MYH1: variants seen among roughly 807,000 people sequenced by gnomAD.
The protein encoded by MYH1 is myosin-1.
A neutral mutation model predicts 225.6 loss-of-function variants in MYH1; 214 were observed. That is an observed-to-expected ratio of 0.95 (90% confidence interval 0.85 to 1.06). MYH1 has a LOEUF of 1.06. MYH1 is among the 50% of genes least tolerant of loss of function. The pLI is 0.00. For missense variants in MYH1, 2,098 were observed against 2,344.2 expected (o/e 0.89, Z 2.17); for synonymous variants, 774 against 842.3 (o/e 0.92, Z 1.40).
At chr17:10,509,355 CA>C (rs751838041) in intron 15 of MYH1, 129 bp downstream of exon 15, 2 of 1,449,344 alleles carry the variant, frequency 1.4e-6, no homozygotes, top group Non-Finnish European at 1.9e-6. Context: ...TCAGAGTTGG[CA>C]AAATAAGGAA....
At chr17:10,503,694 G>A (rs1478948504) in intron 22 of MYH1, among the ~76,000 whole-genome samples, 1 of 152,222 alleles carries the variant, frequency 6.6e-6, no homozygotes, top group Admixed American at 6.5e-5. Context: ...TCAAGGTGAT[G>A]CTTAGAGAAG....
Position 10,498,624 on chromosome 17 carries a change from A to C in MYH1, c.4181+2T>G, listed in dbSNP as rs768158882. 1 of 1,613,898 alleles carries C rather than the reference A, an allele frequency of 6.2e-7. No individual in the cohort carries two copies. The highest frequency in any genetic ancestry group is 8.5e-7 in the Non-Finnish European group (1 of 1,179,884). On this transcript the variant is annotated splice_donor_variant, in intron 30 of 39. Coordinates refer to ENST00000226207, the MANE Select transcript of MYH1 (RefSeq NM_005963.4). LOFTEE classifies it high-confidence loss of function. ...TCCATTTTAACTAAGTCTGGAACATACTTGGCCTCCTCCAGCTCCTCTGTG... is the reference window on the plus strand; with the variant it reads ...TCCATTTTAACTAAGTCTGGAACATCCTTGGCCTCCTCCAGCTCCTCTGTG...
At chr17:10,515,037 C>G in intron 5 of MYH1, 142 bp from the exon 6 acceptor site, 4 of 735,092 alleles carry the variant, frequency 5.4e-6, no homozygotes, top group Non-Finnish European at 4.7e-6. Flanking sequence ...TGGGTGTGTC[C>G]TGCTGGTTTA....
In MYH1 at chr17:10,501,906, T is replaced by A; in HGVS notation, c.3117A>T (p.Glu1039Asp). ...IKLEQQVDDL[E>D]GSLEQEKKIR... is the part of the protein sequence containing the mutation. ...TTTTCTTTTCTTGTTCCAAAGATCC[T>A]TCAAGCTAAAAGTTAATAATCCATG... Residue 1039 changes from glutamate (E) to aspartate (D), a missense_variant, in exon 25 of 40, where the codon GAA (glutamate) becomes GAT (aspartate). Coordinates refer to ENST00000226207, the MANE Select transcript of MYH1 (RefSeq NM_005963.4). The A allele has an allele frequency of 6.2e-7, 1 of 1,603,722 alleles. No homozygotes were observed. Among genetic ancestry groups the A allele is most frequent in the Middle Eastern group, 1.7e-4 (1 of 6,022 alleles).
chr17:10,513,803 G>A lies in MYH1; in HGVS notation c.741+18C>T, dbSNP rs1567722889. 6.2e-7 allele frequency: 1 copy of A among 1,614,092 alleles called. No homozygotes were observed. The highest frequency in any genetic ancestry group is 8.5e-7 in the Non-Finnish European group (1 of 1,179,968). On this transcript the variant is annotated intron_variant, in intron 8 of 39. Transcript: ENST00000226207. ...CATCTAAAGGCAGAGAAGACCCTTT[G>A]GCAACCAAGAGACTTACAAAGCGAG...
At chr17:10,501,985 T>C (rs891720909) in intron 24 of MYH1, 74 bp from the exon 25 acceptor site, 11 of 1,404,986 alleles carry the variant, frequency 7.8e-6, no homozygotes, top group African/African-American at 2.9e-5. Flanking sequence ...TTTTTAAACA[T>C]TATATCTATG....
intron 2 of MYH1, among the ~76,000 whole-genome samples, chr17:10,517,841 A>G (rs1420582389): frequency 2.6e-5 from 4 of 152,206 alleles, no homozygotes; most frequent in Non-Finnish European, 5.9e-5. Context: ...ATCATCTCTC[A>G]TAGGTTTTTA....
At position 10,498,799 on chromosome 17, in the gene MYH1, G is replaced by A. The variant is rs141602835; in HGVS notation, c.4008C>T (p.Ala1336=). The A allele has an allele frequency of 7.4e-6, 12 of 1,614,056 alleles. No individual in the cohort carries two copies. The African/African-American group carries it at 1.6e-4, about 22-fold the overall frequency. ...EIKAKSALAH[A]LQSSRHDCDL... Reference sequence around the variant, plus strand: ...CACAGTCATGGCGGGAGGACTGCAGGGCATGTGCCAGGGCACTCTTGGCCT... The same window carrying A: ...CACAGTCATGGCGGGAGGACTGCAGAGCATGTGCCAGGGCACTCTTGGCCT... The change falls in exon 30 of 40, where the codon GCC becomes GCT. Residue 1336 remains alanine, a synonymous_variant. Coordinates refer to ENST00000226207, the MANE Select transcript of MYH1 (RefSeq NM_005963.4).
intron 39 of MYH1, among the ~76,000 whole-genome samples, chr17:10,493,431 T>G (rs1210544316): frequency 6.6e-6 from 1 of 152,180 alleles, no homozygotes; most frequent in Non-Finnish European, 1.5e-5. Flanking sequence ...GGAACTCATT[T>G]GTGATATGTA....
intron 6 of MYH1, among the ~76,000 whole-genome samples, chr17:10,514,346 CT>C (rs1249742637): frequency 6.6e-6 from 1 of 152,166 alleles, no homozygotes; most frequent in Non-Finnish European, 1.5e-5. Flanking sequence ...AATGTGTCAG[CT>C]TTTTTTCTGG....
At chr17:10,512,573 A>T (rs1198804527) in intron 11 of MYH1, 27 bp from the exon 12 acceptor site, 1 of 1,613,986 alleles carries the variant, frequency 6.2e-7, no homozygotes, top group Non-Finnish European at 8.5e-7. Flanking sequence ...GAAGACAAAG[A>T]TTAGGGCACA....
intron 39 of MYH1, 127 bp downstream of exon 39, chr17:10,494,227 G>T: frequency 1.1e-6 from 1 of 884,218 alleles, no homozygotes; most frequent in Non-Finnish European, 1.7e-6. Flanking sequence ...CCTCAGCCTT[G>T]GACCTCCATG....
At position 10,505,064 on chromosome 17, in the gene MYH1, C is replaced by T. The variant is rs200251900; in HGVS notation, c.2437G>A (p.Glu813Lys). Residue 813 changes from glutamate (E) to lysine (K), a missense_variant and splice_region_variant, in exon 22 of 40, where the codon GAG (glutamate) becomes AAG (lysine). Physicochemically the swap from Glu to Lys is moderately conservative, Grantham distance 56. Transcript: ENST00000226207. ...VEYQKMVERR[E>K]SIFCIQYNVR... is the part of the protein sequence containing the mutation. ...TTGTACTGGATGCAGAAGATGGACT[C>T]TCTGTCATAGGAACAGAAATGTCCA... 6.2e-6 allele frequency: 10 copies of T among 1,614,124 alleles called. No individual in the cohort carries two copies. The East Asian group carries it at 1.6e-4, about 25-fold the overall frequency.
In MYH1 at chr17:10,501,926, T is replaced by A; in HGVS notation, c.3112-15A>T. ...GATCCTTCAAGCTAAAAGTTAATAA[T>A]CCATGAATATGGTTCTTAGAATGGT... On this transcript the variant is annotated splice_polypyrimidine_tract_variant and intron_variant, in intron 24 of 39. Coordinates refer to ENST00000226207, the MANE Select transcript of MYH1 (RefSeq NM_005963.4). 6.3e-7 allele frequency: 1 copy of A among 1,595,748 alleles called. No individual in the cohort carries two copies. Among genetic ancestry groups the A allele is most frequent in the Non-Finnish European group, 8.5e-7 (1 of 1,174,230 alleles).
At position 10,516,543 on chromosome 17, in the gene MYH1, C is replaced by G; in HGVS notation, c.100G>C (p.Ala34Pro). The G allele has an allele frequency of 6.2e-7, 1 of 1,614,182 alleles. No homozygotes were observed. Among genetic ancestry groups the G allele is most frequent in the Middle Eastern group, 1.7e-4 (1 of 6,060 alleles). ...RIEAQNKPFD[A>P]KTSVFVVDPK... ...TCCACCACAAAGACTGATGTCTTGG[C>G]ATCAAAAGGCTTGTTCTGGGCTTCA... Residue 34 changes from alanine to proline, a missense_variant, in exon 3 of 40, where the codon GCC becomes CCC. Physicochemically the swap from Ala to Pro is conservative, Grantham distance 27. Coordinates refer to ENST00000226207, the MANE Select transcript of MYH1 (RefSeq NM_005963.4).
intron 28 of MYH1, among the ~76,000 whole-genome samples, chr17:10,500,340 C>A (rs1244844954): frequency 6.6e-6 from 1 of 150,904 alleles, no homozygotes; most frequent in African/African-American, 2.4e-5. Flanking sequence ...GGGCCTGATT[C>A]TATTTATCTC....
chr17:10,518,020 G>A (rs1348242683), intron 2 of MYH1, among the ~76,000 whole-genome samples: 2 of 152,086 alleles, frequency 1.3e-5, no homozygotes, highest in Admixed American at 6.5e-5. Context: ...AATTCCCAAG[G>A]ACTCTGAGAA....
intron 28 of MYH1, among the ~76,000 whole-genome samples, chr17:10,499,331 C>T (rs745611889): frequency 2.0e-5 from 3 of 152,134 alleles, no homozygotes; most frequent in Middle Eastern, 3.4e-3. Flanking sequence ...GAGATATTTA[C>T]GATTATTTGA....
chr17:10,505,613 A>G, intron 19 of MYH1, 102 bp from the exon 20 acceptor site: 1 of 1,447,100 alleles, frequency 6.9e-7, no homozygotes, highest in African/African-American at 1.4e-5. Context: ...TCTGAAATAA[A>G]CAAGAAATCA....
Sources: allele counts gnomAD v4.1 joint callset (sites outside exome capture counted in the v4.1 genomes callset), GRCh38; gene constraint gnomAD v4.1.1; transcripts MANE v1.5; gene names NCBI Gene and HGNC (gene_info 2026-07-23, HGNC 2026-07-21).